Variants in DMTF1 observed in about 807,000 individuals in gnomAD.
DMTF1 encodes cyclin D binding myb like transcription factor 1, also known as cyclin-D-binding Myb-like transcription factor 1.
DMTF1 carries 39 observed loss-of-function variants against 91.1 expected under a neutral mutation model. The observed-to-expected ratio is 0.43, with a 90% CI of 0.33 to 0.56. The LOEUF (loss-of-function observed/expected upper bound fraction) is 0.56. DMTF1 is among the 20% of genes least tolerant of loss of function. The probability of loss-of-function intolerance (pLI) is 0.05; values close to 1 mark genes in which losing one functional copy is unlikely to be tolerated. For missense variants in DMTF1, 750 were observed against 914.5 expected (o/e 0.82, Z 2.32); for synonymous variants, 338 against 309.5 (o/e 1.09, Z -0.97).
At chr7:87,166,720 T>G in intron 4 of DMTF1, 115 bp downstream of exon 4, 1 of 991,060 alleles carries the variant, frequency 1.0e-6, no homozygotes, top group East Asian at 2.4e-5. Context: ...TTTCTTCATT[T>G]AGTCAAACCA....
chr7:87,191,115 A>G, intron 14 of DMTF1, 88 bp downstream of exon 14: 3 of 870,540 alleles, frequency 3.4e-6, no homozygotes, highest in East Asian at 2.6e-5. Flanking sequence ...CTTATGATTC[A>G]TAAAAGTCTG....
chr7:87,160,802 G>T (rs1792129997), intron 1 of DMTF1, among the ~76,000 whole-genome samples: 1 of 152,014 alleles, frequency 6.6e-6, no homozygotes, highest in Non-Finnish European at 1.5e-5. Flanking sequence ...TACCTCTTAG[G>T]TTTTCTCCTG....
intron 2 of DMTF1, among the ~76,000 whole-genome samples, chr7:87,164,054 TAAAA>T (rs61634018): frequency 0.01 from 762 of 73,470 alleles, 7 homozygotes; most frequent in African/African-American, 0.038. Context: ...ACGCCTTCTC[TAAAA>T]AAAAAAAAAA....
At chr7:87,194,274 G>C (rs1800628163) in intron 16 of DMTF1, 172 bp downstream of exon 16, 1 of 662,098 alleles carries the variant, frequency 1.5e-6, no homozygotes, top group Non-Finnish European at 2.4e-6. Context: ...GTGGCAGTCA[G>C]GAAGAATAAG....
At chr7:87,172,657 T>G (rs1795339059) in intron 5 of DMTF1, among the ~76,000 whole-genome samples, 1 of 152,232 alleles carries the variant, frequency 6.6e-6, no homozygotes, top group African/African-American at 2.4e-5. Context: ...GCCCAGAGAC[T>G]GAATTGGGTT....
Position 87,166,654 on chromosome 7 carries a change from G to A in DMTF1, c.232+49G>A, listed in dbSNP as rs551349615. On this transcript the variant is annotated intron_variant, in intron 4 of 17. Coordinates refer to ENST00000331242, the MANE Select transcript of DMTF1 (RefSeq NM_001142327.2). The stretch of plus-strand genomic sequence containing the variant: ...CATAGAGTTCCCTTTTAAAATCAAA[G>A]TTTAGCTTCCAAGGCTTTCAGTTGG... 4.2e-5 allele frequency: 67 copies of A among 1,587,510 alleles called. No individual in the cohort carries two copies. In the South Asian group the frequency reaches 5.2e-4, roughly 12 times the overall value.
rs145205131 is a variant in DMTF1 at position 87,193,941 on chromosome 7, G to C, written c.1867G>C (p.Val623Leu). ...PDEIHHPKMT[V>L]EPSFNDAHVS... The stretch of plus-strand genomic sequence containing the variant: ...TGAAATTCATCACCCTAAGATGACT[G>C]TGGAGCCATCATTTAATGATGCTCA... Residue 623 changes from valine (V) to leucine (L), a missense_variant, in exon 16 of 18, where the codon GTG (valine) becomes CTG (leucine). Around this residue, in one of 3 missense-constraint regions of DMTF1, gnomAD observed 410 missense variants for 420.2 expected, o/e 0.98. Coordinates refer to ENST00000331242, the MANE Select transcript of DMTF1 (RefSeq NM_001142327.2). 18 of 1,613,346 alleles carry C rather than the reference G, an allele frequency of 1.1e-5. No individual in the cohort carries two copies. Among genetic ancestry groups the C allele is most frequent in the Non-Finnish European group, 1.4e-5 (16 of 1,179,606 alleles).
chr7:87,161,252 C>A (rs1029351401), intron 1 of DMTF1, among the ~76,000 whole-genome samples: 2 of 152,176 alleles, frequency 1.3e-5, no homozygotes, highest in Non-Finnish European at 2.9e-5. Flanking sequence ...AATCCCAACA[C>A]TTTGGGAGGC....
Position 87,181,331 on chromosome 7 carries a change from A to C in DMTF1, c.700A>C (p.Lys234Gln). 2 of 1,287,328 alleles carry C rather than the reference A, an allele frequency of 1.6e-6. No homozygotes were observed. The highest frequency in any genetic ancestry group is 1.1e-6 in the Non-Finnish European group (1 of 908,858). The allele number at this position is 1,287,328 out of a possible 1,614,324, so 79.7% of individuals were successfully genotyped here. The change falls in exon 9 of 18, where the codon AAG becomes CAG. Residue 234 changes from lysine to glutamine, a missense_variant. By Grantham distance (53) the Lys-to-Gln change is moderately conservative. Around this residue, in one of 3 missense-constraint regions of DMTF1, gnomAD observed 190 missense variants for 343.8 expected, o/e 0.55. Transcript: ENST00000331242. ...TAGATATACACCTGAAGAAATTGAGAAGCTCAAGGAGTAAGTTTTAAAGTT... is the reference window on the plus strand; with the variant it reads ...TAGATATACACCTGAAGAAATTGAGCAGCTCAAGGAGTAAGTTTTAAAGTT... The part of the protein sequence containing the change: ...VGKYTPEEIE[K>Q]LKELRIKHGN...
intron 12 of DMTF1, chr7:87,187,863 C>A: frequency 1.9e-6 from 1 of 533,034 alleles, no homozygotes; most frequent in Non-Finnish European, 3.3e-6. Flanking sequence ...CACTATAAAT[C>A]TTAGATGGCA....
intron 9 of DMTF1, chr7:87,181,964 A>G (rs911367845): frequency 3.0e-5 from 41 of 1,388,098 alleles, no homozygotes; most frequent in Middle Eastern, 1.9e-4. Flanking sequence ...CCTGAGGGGA[A>G]ATTGGTCTTT....
At chr7:87,192,687 GA>G (rs1273056731) in intron 14 of DMTF1, 1 of 152,132 alleles carries the variant, frequency 6.6e-6, no homozygotes, top group Non-Finnish European at 1.5e-5. Flanking sequence ...AAATTCAAAA[GA>G]AAATGTGTTA....
At chr7:87,166,679 G>A in intron 4 of DMTF1, 74 bp downstream of exon 4, 1 of 1,447,642 alleles carries the variant, frequency 6.9e-7, no homozygotes, top group South Asian at 1.2e-5. Context: ...CTTTCAGTTG[G>A]CATTTCTAAT....
chr7:87,158,701 T>C (rs1791434777), intron 1 of DMTF1, among the ~76,000 whole-genome samples: 1 of 152,124 alleles, frequency 6.6e-6, no homozygotes, highest in Non-Finnish European at 1.5e-5. Context: ...AGTACACATT[T>C]AAATTTTAGG....
intron 3 of DMTF1, 109 bp downstream of exon 3, chr7:87,165,159 T>C (rs555408586): frequency 1.2e-4 from 68 of 563,534 alleles, no homozygotes; most frequent in Admixed American, 1.2e-3. Context: ...GAGTTTAGGC[T>C]GCACAGTAGA....
chr7:87,181,002 C>T (rs1797254753), intron 8 of DMTF1, among the ~76,000 whole-genome samples: 1 of 151,800 alleles, frequency 6.6e-6, no homozygotes, highest in Admixed American at 6.6e-5. Flanking sequence ...ATTACAGGCG[C>T]CTGCCACCAG....
At chr7:87,187,644 T>TA (rs1211233017) in intron 12 of DMTF1, 1 of 172,770 alleles carries the variant, frequency 5.8e-6, no homozygotes, top group African/African-American at 2.4e-5. Context: ...AATACCATAT[T>TA]ACTGTTTGGA....
At chr7:87,172,172 C>T (rs1044202752) in intron 5 of DMTF1, among the ~76,000 whole-genome samples, 4 of 152,174 alleles carry the variant, frequency 2.6e-5, no homozygotes, top group African/African-American at 9.7e-5. Context: ...TGATGTATAA[C>T]TCTAGGATCA....
intron 17 of DMTF1, 75 bp downstream of exon 17, chr7:87,194,903 TCA>T: frequency 6.6e-7 from 1 of 1,506,730 alleles, no homozygotes; most frequent in Admixed American, 1.9e-5. Flanking sequence ...TTAACTTGTT[TCA>T]GTCTTTCTTG....
Sources: gnomAD v4.1 joint callset for allele counts (sites outside exome capture counted in the v4.1 genomes callset) on GRCh38, gnomAD v4.1.1 for gene constraint, gnomAD v4.1.1 regional missense constraint, MANE v1.5 for transcripts, NCBI Gene and HGNC (gene_info 2026-07-23, HGNC 2026-07-21) for gene names.